The following HMBOX1 variants were observed in gnomAD, a reference collection of about 807,000 sequenced individuals.
HMBOX1 encodes homeobox-containing protein 1.
In HMBOX1, 14 loss-of-function variants were observed where a neutral mutation model predicts 54.5. The observed-to-expected ratio is 0.26, with a 90% CI of 0.17 to 0.40. HMBOX1 has a LOEUF of 0.40. Ranked by LOEUF, HMBOX1 falls within the 10% of genes least tolerant of loss-of-function variation. The pLI is 1.00. For missense variants in HMBOX1, 332 were observed against 514.4 expected (o/e 0.65, Z 3.43); for synonymous variants, 160 against 181.0 (o/e 0.88, Z 0.93).
At chr8:28,927,297 A>G (rs1365152117) in intron 1 of HMBOX1, among the ~76,000 whole-genome samples, 3 of 152,190 alleles carry the variant, frequency 2.0e-5, no homozygotes, top group Non-Finnish European at 2.9e-5. Context: ...AGAAAAATAT[A>G]TATTTTAAAA....
intron 1 of HMBOX1, among the ~76,000 whole-genome samples, chr8:28,902,089 G>A (rs758654166): frequency 1.4e-4 from 21 of 152,116 alleles, no homozygotes; most frequent in Non-Finnish European, 2.6e-4. Flanking sequence ...AAATAGTTTA[G>A]TTTTCATGTT....
At chr8:28,913,558 G>A (rs1443169482) in intron 1 of HMBOX1, among the ~76,000 whole-genome samples, 1 of 152,086 alleles carries the variant, frequency 6.6e-6, no homozygotes, top group Non-Finnish European at 1.5e-5. Flanking sequence ...GGAATACTCT[G>A]TACTTTCCCT....
chr8:28,897,833 CA>C (rs909346441), intron 1 of HMBOX1, among the ~76,000 whole-genome samples: 4 of 152,150 alleles, frequency 2.6e-5, no homozygotes, highest in African/African-American at 9.7e-5. Flanking sequence ...GCAAACTTGT[CA>C]GATTAATTGA....
chr8:28,948,267 C>G (rs1192259569), intron 1 of HMBOX1, among the ~76,000 whole-genome samples: 2 of 152,136 alleles, frequency 1.3e-5, no homozygotes, highest in African/African-American at 4.8e-5. Flanking sequence ...AAGAATGTAA[C>G]CTCCATGTGA....
chr8:29,041,616 A>T (rs1011320429), intron 6 of HMBOX1, among the ~76,000 whole-genome samples: 3 of 152,202 alleles, frequency 2.0e-5, no homozygotes, highest in Non-Finnish European at 4.4e-5. Flanking sequence ...GGCAAAAAAA[A>T]TACCTTTGAT....
At chr8:29,017,367 A>G (rs1002391286) in intron 5 of HMBOX1, among the ~76,000 whole-genome samples, 1 of 152,236 alleles carries the variant, frequency 6.6e-6, no homozygotes, top group Non-Finnish European at 1.5e-5. Flanking sequence ...AACCTGTCAC[A>G]GGACTGGCCC....
intron 1 of HMBOX1, among the ~76,000 whole-genome samples, chr8:28,941,859 A>G (rs1821474070): frequency 6.6e-6 from 1 of 152,210 alleles, no homozygotes. Context: ...GAGATGGAGA[A>G]TAACTTTTAG....
At chr8:28,907,379 T>C (rs1814539074) in intron 1 of HMBOX1, among the ~76,000 whole-genome samples, 1 of 152,244 alleles carries the variant, frequency 6.6e-6, no homozygotes, top group African/African-American at 2.4e-5. Flanking sequence ...TTGTACTACC[T>C]GTTACCAAAG....
intron 6 of HMBOX1, among the ~76,000 whole-genome samples, chr8:29,021,944 T>C (rs994879595): frequency 3.3e-5 from 5 of 152,066 alleles, no homozygotes; most frequent in African/African-American, 1.2e-4. Context: ...TCTTCACTTA[T>C]TACATTGACA....
intron 1 of HMBOX1, among the ~76,000 whole-genome samples, chr8:28,914,187 A>C (rs1816069666): frequency 6.6e-6 from 1 of 152,072 alleles, no homozygotes; most frequent in Non-Finnish European, 1.5e-5. Context: ...TTAAAAAGAG[A>C]TAGCCTCCTT....
intron 3 of HMBOX1, 77 bp from the exon 4 acceptor site, chr8:28,979,994 C>G: frequency 9.2e-7 from 1 of 1,085,862 alleles, no homozygotes; most frequent in Non-Finnish European, 1.4e-6. Context: ...CACCTCTCTG[C>G]TTCACCTTTC....
At chr8:28,984,933 G>A (rs531017422) in intron 4 of HMBOX1, among the ~76,000 whole-genome samples, 4 of 152,164 alleles carry the variant, frequency 2.6e-5, no homozygotes, top group East Asian at 1.9e-4. Context: ...AAAAAACAGC[G>A]CCTCTGAATT....
chr8:28,991,238 A>G (rs1485969247), intron 4 of HMBOX1, among the ~76,000 whole-genome samples: 10 of 152,214 alleles, frequency 6.6e-5, no homozygotes, highest in Admixed American at 6.5e-4. Flanking sequence ...TTAATACTTT[A>G]AAGATTGCCA....
chr8:29,010,428 A>G (rs1166141203), intron 5 of HMBOX1, among the ~76,000 whole-genome samples: 3 of 152,062 alleles, frequency 2.0e-5, no homozygotes, highest in African/African-American at 7.2e-5. Context: ...GTGGTGGGGC[A>G]TGCCTGTATC....
intron 1 of HMBOX1, among the ~76,000 whole-genome samples, chr8:28,906,512 C>T (rs1056356583): frequency 1.3e-5 from 2 of 152,064 alleles, no homozygotes; most frequent in Non-Finnish European, 2.9e-5. Context: ...AATTTTATGT[C>T]CATTTCCTCT....
rs1827208383 is a variant in HMBOX1 at position 28,970,559 on chromosome 8, G to A, written c.500+40G>A. The A allele has an allele frequency of 7.8e-7, 1 of 1,289,316 alleles. No individual in the cohort carries two copies. The highest frequency in any genetic ancestry group is 1.4e-5 in the South Asian group (1 of 72,518). 79.9% of individuals were successfully genotyped at this position (1,289,316 alleles called of 1,614,324 possible). On this transcript the variant is annotated intron_variant, in intron 3 of 9. Coordinates refer to ENST00000287701, the MANE Select transcript of HMBOX1 (RefSeq NM_001135726.3). The surrounding 1 kb of genome is among the most constrained non-coding windows in gnomAD (Gnocchi z 4.3). ...TTATTCAGAGTCCCTAAAAATGTCT[G>A]TATTCTTAGATTGTTTTTAAGTAGT... is the stretch of plus-strand genomic sequence containing the variant.
chr8:28,963,228 C>G (rs879411892), intron 1 of HMBOX1, among the ~76,000 whole-genome samples: 3 of 152,092 alleles, frequency 2.0e-5, no homozygotes, highest in Non-Finnish European at 4.4e-5. Context: ...AGGTGATCCA[C>G]CCGCCTCAGC....
At chr8:28,949,764 A>G (rs1249862419) in intron 1 of HMBOX1, 1 of 151,718 alleles carries the variant, frequency 6.6e-6, no homozygotes, top group Admixed American at 6.6e-5. Context: ...GGAAAGACAG[A>G]TAGGTATACA....
At chr8:28,940,118 C>T (rs1821110887) in intron 1 of HMBOX1, among the ~76,000 whole-genome samples, 1 of 152,128 alleles carries the variant, frequency 6.6e-6, no homozygotes, top group African/African-American at 2.4e-5. Flanking sequence ...AAGCAATTCT[C>T]CTGCCTCAGC....
Sources: gnomAD v4.1 joint callset for allele counts (sites outside exome capture counted in the v4.1 genomes callset) on GRCh38, gnomAD v4.1.1 for gene constraint, Gnocchi (gnomAD v3.1) non-coding constraint, MANE v1.5 for transcripts, NCBI Gene and HGNC (gene_info 2026-07-23, HGNC 2026-07-21) for gene names.